The following PRRG1 variants were observed in gnomAD, a reference collection of about 807,000 sequenced individuals.
PRRG1 encodes the protein proline rich and Gla domain 1, also known as transmembrane gamma-carboxyglutamic acid protein 1.
In PRRG1, 5 loss-of-function variants were observed where a neutral mutation model predicts 11.8. The ratio of observed to expected loss-of-function variants is 0.42; its 90% CI spans 0.22 to 0.89. PRRG1 has a LOEUF of 0.89. Among genes scored for constraint, PRRG1 ranks in the 40% least tolerant of loss-of-function variants. The pLI is 0.28. For missense variants in PRRG1, 155 were observed against 166.1 expected (o/e 0.93, Z 0.37); for synonymous variants, 66 against 60.4 (o/e 1.09, Z -0.43).
At chrX:37,360,292 A>G (rs1246569604) in intron 1 of PRRG1, among the ~76,000 whole-genome samples, 5 of 112,064 alleles carry the variant, frequency 4.5e-5, no homozygotes. Flanking sequence ...CAAGCTATAA[A>G]TTTCCCTCTA....
chrX:37,440,694 T>C (rs966316927), intron 3 of PRRG1: 9 of 489,358 alleles, frequency 1.8e-5, no homozygotes, highest in Admixed American at 1.2e-4. Context: ...TATAATTCCC[T>C]ATTAACCTAG....
chrX:37,376,443 A>G (rs1930943388), intron 1 of PRRG1, among the ~76,000 whole-genome samples: 3 of 98,209 alleles, frequency 3.1e-5, no homozygotes, highest in African/African-American at 1.1e-4. Context: ...AGCTAACTCT[A>G]TTTCTTTTGC....
chrX:37,393,344 ATAT>A (rs1480957511), intron 1 of PRRG1, among the ~76,000 whole-genome samples: 15 of 109,018 alleles, frequency 1.4e-4, no homozygotes, highest in African/African-American at 4.6e-4. Flanking sequence ...ATTATACATA[ATAT>A]TAATATAAAT....
intron 1 of PRRG1, among the ~76,000 whole-genome samples, chrX:37,392,409 C>T (rs782130709): frequency 9.1e-6 from 1 of 109,723 alleles, no homozygotes; most frequent in Non-Finnish European, 1.9e-5. Context: ...TGGCTCACAC[C>T]TGTAATCTCA....
At chrX:37,370,975 C>T (rs782809679) in intron 1 of PRRG1, among the ~76,000 whole-genome samples, 12 of 111,360 alleles carry the variant, frequency 1.1e-4, no homozygotes, top group African/African-American at 2.9e-4. Context: ...CCATGAACAG[C>T]GGCAGGAGGC....
chrX:37,364,806 G>T (rs1051135287), intron 1 of PRRG1, among the ~76,000 whole-genome samples: 1 of 111,881 alleles, frequency 8.9e-6, no homozygotes, highest in South Asian at 3.7e-4. Flanking sequence ...TGCTACAATG[G>T]CATGTGGTTT....
chrX:37,416,671 ATTTG>A (rs1932506620), intron 2 of PRRG1, among the ~76,000 whole-genome samples: 1 of 111,975 alleles, frequency 8.9e-6, no homozygotes, highest in African/African-American at 3.2e-5. Flanking sequence ...ATAATTCCAT[ATTTG>A]TTTGTTTCTT....
intron 3 of PRRG1, among the ~76,000 whole-genome samples, chrX:37,430,592 CTT>C (rs1390783991): frequency 2.7e-5 from 3 of 111,514 alleles, no homozygotes; most frequent in African/African-American, 9.8e-5. Flanking sequence ...AGAGGGAAAA[CTT>C]ATATTCATTC....
chrX:37,352,198 AGT>A (rs1434003825), intron 1 of PRRG1, among the ~76,000 whole-genome samples: 2 of 112,758 alleles, frequency 1.8e-5, no homozygotes, highest in East Asian at 5.5e-4. Context: ...TTGGTTCTTT[AGT>A]TTAAAAATAA....
intron 3 of PRRG1, among the ~76,000 whole-genome samples, chrX:37,451,275 C>G (rs1602043856): frequency 1.8e-5 from 2 of 112,374 alleles, no homozygotes; most frequent in Non-Finnish European, 1.9e-5. Context: ...CCTCAGCCTC[C>G]CAAAGTGCTG....
intron 1 of PRRG1, among the ~76,000 whole-genome samples, chrX:37,372,015 A>G (rs1038300490): frequency 1.8e-5 from 2 of 113,059 alleles, no homozygotes; most frequent in East Asian, 5.5e-4. Flanking sequence ...GCTGGATCAT[A>G]TGGTAGTACT....
chrX:37,382,084 A>G (rs1416963915), intron 1 of PRRG1, among the ~76,000 whole-genome samples: 1 of 111,879 alleles, frequency 8.9e-6, no homozygotes, highest in African/African-American at 3.2e-5. Flanking sequence ...GTGAAGGAAC[A>G]GAATGGACTT....
chrX:37,385,862 G>A (rs782131073), intron 1 of PRRG1, among the ~76,000 whole-genome samples: 29 of 110,649 alleles, frequency 2.6e-4, no homozygotes, highest in African/African-American at 9.2e-4. Context: ...CCAGGCTCAA[G>A]CGATACTCCT....
rs1556398179 is a variant in PRRG1, at chrX:37,455,684, C to T, written c.*2063C>T. 8.9e-6 allele frequency: 1 copy of T among 112,619 alleles called. No individual in the cohort carries two copies. The highest frequency in any genetic ancestry group is 3.2e-5 in the African/African-American group (1 of 31,002). The allele number at this position is 112,619 out of a possible 1,213,427, so 9.3% of individuals were successfully genotyped here. A position where few individuals can be genotyped will look rare whatever the true frequency, so the allele number is the denominator to read the frequency against. On this transcript the variant is annotated 3_prime_UTR_variant, in exon 4 of 4. Coordinates refer to ENST00000378628, the MANE Select transcript of PRRG1 (RefSeq NM_001142395.2). ...TGATTGATTGTATCTTGACCCTGGT[C>T]TCAGAAATGACATTTTTACTTTTGC...
intron 2 of PRRG1, among the ~76,000 whole-genome samples, chrX:37,419,995 T>G (rs1932609969): frequency 1.8e-5 from 2 of 111,901 alleles, no homozygotes; most frequent in South Asian, 7.5e-4. Flanking sequence ...AAGTGTATTT[T>G]TATTATCAGC....
chrX:37,436,301 A>G (rs915634539), intron 3 of PRRG1, among the ~76,000 whole-genome samples: 1 of 112,140 alleles, frequency 8.9e-6, no homozygotes, highest in Admixed American at 9.5e-5. Context: ...AGTTATTGAT[A>G]TCCAAGGATC....
chrX:37,415,966 A>G (rs1438855892), intron 2 of PRRG1, among the ~76,000 whole-genome samples: 5 of 111,964 alleles, frequency 4.5e-5, no homozygotes, highest in African/African-American at 1.3e-4. Flanking sequence ...TCCTAAGGGT[A>G]CAAACTGCAG....
chrX:37,426,710 A>G (rs184028146), intron 3 of PRRG1, among the ~76,000 whole-genome samples: 1 of 112,629 alleles, frequency 8.9e-6, no homozygotes, highest in African/African-American at 3.2e-5. Flanking sequence ...CATCTTAGTC[A>G]AATCACAGGG....
chrX:37,392,413 A>C (rs1931569695), intron 1 of PRRG1, among the ~76,000 whole-genome samples: 1 of 109,997 alleles, frequency 9.1e-6, no homozygotes, highest in Non-Finnish European at 1.9e-5. Flanking sequence ...TCACACCTGT[A>C]ATCTCAGCAC....
Sources: allele counts gnomAD v4.1 joint callset (sites outside exome capture counted in the v4.1 genomes callset), GRCh38; gene constraint gnomAD v4.1.1; transcripts MANE v1.5; gene names NCBI Gene and HGNC (gene_info 2026-07-23, HGNC 2026-07-21).